SEC31A: variants seen among roughly 807,000 people sequenced by gnomAD.
SEC31A encodes the protein protein transport protein Sec31A.
Under a neutral mutation model 151.0 loss-of-function variants are expected in SEC31A, and 70 were observed. The observed-to-expected ratio is 0.46, with a 90% CI of 0.38 to 0.57. SEC31A has a LOEUF of 0.57. SEC31A is among the 20% of genes least tolerant of loss of function. The pLI, the probability that SEC31A is intolerant of heterozygous loss-of-function variation, is 0.00. For synonymous variants in SEC31A, 475 were observed against 505.9 expected, an observed-to-expected ratio of 0.94 and a Z score of 0.82; for missense variants, 1,330 against 1,471.2, an observed-to-expected ratio of 0.90 and a Z score of 1.57.
chr4:82,886,587 A>G (rs1273916402), intron 1 of SEC31A, among the ~76,000 whole-genome samples: 1 of 152,190 alleles, frequency 6.6e-6, no homozygotes, highest in Non-Finnish European at 1.5e-5. Flanking sequence ...TAAGATATAA[A>G]AAAGGCATTT....
chr4:82,884,576 C>T (rs1249122959), intron 1 of SEC31A, among the ~76,000 whole-genome samples: 1 of 152,140 alleles, frequency 6.6e-6, no homozygotes, highest in Non-Finnish European at 1.5e-5. Context: ...CACTGAAACT[C>T]CACAATTTAT....
intron 17 of SEC31A, 56 bp downstream of exon 17, chr4:82,854,847 T>C (rs2149394041): frequency 7.0e-7 from 1 of 1,432,570 alleles, no homozygotes; most frequent in Non-Finnish European, 9.2e-7. Context: ...TAAGTTTATT[T>C]ACAATATACC....
At chr4:82,882,220 G>A (rs898362833) in intron 1 of SEC31A, among the ~76,000 whole-genome samples, 4 of 151,844 alleles carry the variant, frequency 2.6e-5, no homozygotes, top group South Asian at 2.1e-4. Context: ...TGGCTAACAT[G>A]GTGAGACCCC....
chr4:82,851,276 C>T (rs1731396812), intron 19 of SEC31A, among the ~76,000 whole-genome samples, 155 bp downstream of exon 19: 1 of 152,208 alleles, frequency 6.6e-6, no homozygotes, highest in South Asian at 2.1e-4. Flanking sequence ...AAAATGATCC[C>T]TGAAGAATTG....
intron 7 of SEC31A, 69 bp downstream of exon 7, chr4:82,871,875 G>A (rs1736757446): frequency 6.2e-7 from 1 of 1,604,036 alleles, no homozygotes; most frequent in African/African-American, 1.3e-5. Context: ...TGTATTTCTG[G>A]TCACGAAAAC....
At chr4:82,874,834 G>T in intron 5 of SEC31A, 83 bp from the exon 6 acceptor site, 1 of 1,498,158 alleles carries the variant, frequency 6.7e-7, no homozygotes, top group Non-Finnish European at 9.0e-7. Context: ...CCTTCATTTT[G>T]AAAAGTGTAT....
rs1341416873 is a variant in SEC31A, at chr4:82,830,813, T to C, written c.2969-1755A>G. The C allele has an allele frequency of 1.6e-5, 4 of 245,440 alleles. No individual in the cohort carries two copies. The Admixed American group carries it at 1.6e-4, about 10-fold the overall frequency. 15.2% of individuals were successfully genotyped at this position (245,440 alleles called of 1,614,324 possible). ...CAATTAAGAAGCCAAATAAAAAAAA[T>C]GATCCTGATCAGATTTGGGATATCA... On this transcript the variant is annotated intron_variant, in intron 22 of 26. Coordinates refer to ENST00000395310, the MANE Select transcript of SEC31A (RefSeq NM_001077207.4).
chr4:82,896,122 G>A (rs765232734), upstream of SEC31A, among the ~76,000 whole-genome samples: 13 of 152,198 alleles, frequency 8.5e-5, no homozygotes, highest in Non-Finnish European at 1.8e-4. Flanking sequence ...CTGACACAAG[G>A]GTAGGTGTTC....
chr4:82,856,269 G>A (rs768153163), intron 16 of SEC31A, among the ~76,000 whole-genome samples: 21 of 151,804 alleles, frequency 1.4e-4, no homozygotes, highest in Non-Finnish European at 2.4e-4. Context: ...TCCTGCTTCA[G>A]CCTCCCTAGT....
At chr4:82,849,064 C>T in intron 19 of SEC31A, 87 bp from the exon 20 acceptor site, 1 of 1,183,120 alleles carries the variant, frequency 8.5e-7, no homozygotes, top group South Asian at 1.4e-5. Flanking sequence ...GATTATTCAT[C>T]AAGATATCCC....
upstream of SEC31A, chr4:82,894,782 G>A (rs940310856): frequency 4.6e-5 from 7 of 152,072 alleles, no homozygotes; most frequent in Non-Finnish European, 1.0e-4. Context: ...AGCAGAATTC[G>A]TGTTGTTCTG....
upstream of SEC31A, among the ~76,000 whole-genome samples, chr4:82,891,735 CA>C (rs1719779414): frequency 1.3e-5 from 2 of 148,820 alleles, no homozygotes; most frequent in African/African-American, 4.9e-5. Context: ...ATATTAATTC[CA>C]ATTAGTACCG....
intron 23 of SEC31A, among the ~76,000 whole-genome samples, chr4:82,828,660 G>T (rs1210980427): frequency 3.8e-5 from 1 of 26,138 alleles, no homozygotes; most frequent in Non-Finnish European, 6.4e-5. Flanking sequence ...AGAACCCAAA[G>T]ACCAAAGTAA....
intron 23 of SEC31A, among the ~76,000 whole-genome samples, chr4:82,828,555 A>G (rs1252989664): frequency 6.6e-6 from 1 of 151,538 alleles, no homozygotes; most frequent in Admixed American, 6.6e-5. Context: ...ACAGTTACTG[A>G]GATCTGTATA....
chr4:82,874,031 A>C (rs1048671657), intron 6 of SEC31A, among the ~76,000 whole-genome samples: 1 of 151,910 alleles, frequency 6.6e-6, no homozygotes, highest in Non-Finnish European at 1.5e-5. Flanking sequence ...CGGGCACAGA[A>C]GCTCATGCCT....
At chr4:82,839,715 T>C (rs1728301074) in intron 22 of SEC31A, among the ~76,000 whole-genome samples, 1 of 152,246 alleles carries the variant, frequency 6.6e-6, no homozygotes, top group Admixed American at 6.5e-5. Flanking sequence ...GATTAAAATA[T>C]AGCACACTAC....
chr4:82,886,873 G>A (rs753518074), intron 1 of SEC31A, among the ~76,000 whole-genome samples: 16 of 151,924 alleles, frequency 1.1e-4, no homozygotes, highest in Admixed American at 6.5e-5. Context: ...TGCCTTATGT[G>A]CTATCTTATC....
intron 20 of SEC31A, among the ~76,000 whole-genome samples, chr4:82,846,368 T>TC (rs1456542056): frequency 1.4e-4 from 20 of 139,612 alleles, no homozygotes; most frequent in African/African-American, 5.3e-4. Flanking sequence ...CTCCAAAACA[T>TC]AATAATAATA....
intron 4 of SEC31A, 99 bp from the exon 5 acceptor site, chr4:82,875,921 C>CT: frequency 3.8e-6 from 2 of 532,906 alleles, no homozygotes; most frequent in Non-Finnish European, 6.5e-6. Flanking sequence ...GTAGCATACA[C>CT]AATTTTTCTA....
Sources: gnomAD v4.1 joint callset for allele counts (sites outside exome capture counted in the v4.1 genomes callset) on GRCh38, gnomAD v4.1.1 for gene constraint, MANE v1.5 for transcripts, NCBI Gene and HGNC (gene_info 2026-07-23, HGNC 2026-07-21) for gene names.